TRAPPC10: variants seen among roughly 807,000 people sequenced by gnomAD.
TRAPPC10 encodes the protein TRAPP 130 kDa subunit.
A neutral mutation model predicts 125.5 loss-of-function variants in TRAPPC10; 23 were observed. The observed-to-expected ratio is 0.18, with a 90% confidence interval of 0.13 to 0.26. The LOEUF (loss-of-function observed/expected upper bound fraction) is 0.26, where lower values mean the gene tolerates loss of function less well. Among genes scored for constraint, TRAPPC10 ranks in the 10% least tolerant of loss-of-function variants. The probability of loss-of-function intolerance (pLI) is 1.00; values close to 1 mark genes in which losing one functional copy is unlikely to be tolerated. For synonymous variants in TRAPPC10, 509 were observed against 518.0 expected, an observed-to-expected ratio of 0.98 and a Z score of 0.24; for missense variants, 1,123 against 1,308.4, an observed-to-expected ratio of 0.86 and a Z score of 2.19.
intron 1 of TRAPPC10, among the ~76,000 whole-genome samples, chr21:44,016,350 A>G: frequency 6.6e-6 from 1 of 152,312 alleles, no homozygotes; most frequent in East Asian, 1.9e-4. Flanking sequence ...TTAGTGACAA[A>G]GTTAATGTAA....
intron 18 of TRAPPC10, among the ~76,000 whole-genome samples, chr21:44,090,545 C>T (rs1296231384): frequency 1.3e-5 from 2 of 152,154 alleles, no homozygotes; most frequent in Non-Finnish European, 2.9e-5. Flanking sequence ...GTGGGGCGGA[C>T]GTGCCCCAGT....
At chr21:44,054,071 G>A (rs2035402096) in intron 4 of TRAPPC10, among the ~76,000 whole-genome samples, 1 of 152,110 alleles carries the variant, frequency 6.6e-6, no homozygotes, top group African/African-American at 2.4e-5. Context: ...AGGAGAATTC[G>A]CGTCTGGTCG....
intron 9 of TRAPPC10, among the ~76,000 whole-genome samples, chr21:44,075,474 A>G (rs1382097427): frequency 6.6e-6 from 1 of 152,042 alleles, no homozygotes; most frequent in Non-Finnish European, 1.5e-5. Context: ...TTTTCTAACA[A>G]TACGACCTGA....
At chr21:44,081,335 A>G (rs537258322) in intron 13 of TRAPPC10, among the ~76,000 whole-genome samples, 1 of 151,816 alleles carries the variant, frequency 6.6e-6, no homozygotes, top group South Asian at 2.1e-4. Context: ...TAATTTTTGT[A>G]TTTTTAGTAG....
rs772211103 is a variant in TRAPPC10 at position 44,063,639 on chromosome 21, A to C, written c.892A>C (p.Arg298=). 1.2e-6 allele frequency: 2 copies of C among 1,614,224 alleles called. No individual in the cohort carries two copies. ...IDMEKRESIQ[R]REATLLDLRS... ...TATGGAGAAGCGGGAATCGATCCAGAGGCGAGAAGCCACCCTGTTAGATCT... is the reference window on the plus strand; with the variant it reads ...TATGGAGAAGCGGGAATCGATCCAGCGGCGAGAAGCCACCCTGTTAGATCT... Residue 298 remains arginine (R), a synonymous_variant, in exon 7 of 23, where the codon AGG becomes CGG. Coordinates refer to ENST00000291574, the MANE Select transcript of TRAPPC10 (RefSeq NM_003274.5). This position sits in a 1 kb window ranked among gnomAD's most constrained non-coding sequence, Gnocchi z 4.4.
At chr21:44,032,247 T>C in intron 2 of TRAPPC10, 75 bp downstream of exon 2, 3 of 1,238,412 alleles carry the variant, frequency 2.4e-6, no homozygotes, top group East Asian at 4.7e-5. Flanking sequence ...TAAATAAGTA[T>C]ATGTTGTTTA....
rs7275604 is a variant in TRAPPC10 at position 44,079,346 on chromosome 21, C to T, written c.1470-218C>T. The stretch of plus-strand genomic sequence containing the variant: ...GATGTGTTGTGCTCTTATCACCACA[C>T]GCTCATTTCTCAGATCTTTGCCTGG... On this transcript the variant is annotated intron_variant, in intron 11 of 22. Transcript: ENST00000291574. 3,504 of 509,716 alleles carry T rather than the reference C, an allele frequency of 6.9e-3. 94 individuals carry two copies. The highest frequency in any genetic ancestry group is 0.058 in the African/African-American group (2,909 of 50,196). The allele number at this position is 509,716 out of a possible 1,614,324, so 31.6% of individuals were successfully genotyped here.
At chr21:44,079,888 A>G in intron 12 of TRAPPC10, 127 bp from the exon 13 acceptor site, 2 of 1,062,526 alleles carry the variant, frequency 1.9e-6, no homozygotes, top group South Asian at 3.2e-5. Context: ...TTTGAGCCCT[A>G]GTAACTTAAA....
At chr21:44,054,976 AG>A (rs2035470044) in intron 4 of TRAPPC10, among the ~76,000 whole-genome samples, 1 of 152,228 alleles carries the variant, frequency 6.6e-6, no homozygotes, top group Non-Finnish European at 1.5e-5. Flanking sequence ...TGGGAAGCAG[AG>A]GAAGTAAAGT....
At chr21:44,034,691 T>TA (rs1172366913) in intron 2 of TRAPPC10, among the ~76,000 whole-genome samples, 1 of 152,126 alleles carries the variant, frequency 6.6e-6, no homozygotes, top group African/African-American at 2.4e-5. Context: ...TCTTCGCAGA[T>TA]ATGGTTAAGA....
chr21:44,045,747 G>A (rs1170137720), intron 3 of TRAPPC10, among the ~76,000 whole-genome samples: 3 of 151,806 alleles, frequency 2.0e-5, no homozygotes, highest in Non-Finnish European at 2.9e-5. Context: ...TAGTAGAGAC[G>A]GGGTTTAACC....
chr21:44,023,914 T>C (rs2147191112), intron 1 of TRAPPC10, among the ~76,000 whole-genome samples: 1 of 152,252 alleles, frequency 6.6e-6, no homozygotes, highest in East Asian at 1.9e-4. Context: ...GAGTAGTGAG[T>C]AGCTGGGATT....
intron 3 of TRAPPC10, 70 bp downstream of exon 3, chr21:44,037,997 G>A (rs1003117061): frequency 3.3e-5 from 51 of 1,566,678 alleles, no homozygotes; most frequent in African/African-American, 5.5e-5. Flanking sequence ...TGCTGTGTGA[G>A]TACCAGTGGG....
intron 3 of TRAPPC10, among the ~76,000 whole-genome samples, chr21:44,048,885 A>G (rs1569166443): frequency 6.8e-6 from 1 of 146,872 alleles, no homozygotes; most frequent in African/African-American, 2.5e-5. Flanking sequence ...CAGTTCACTC[A>G]TTGATTTCTA....
chr21:44,077,739 T>C lies in TRAPPC10; in HGVS notation c.1424T>C (p.Ile475Thr). ...TIEMYTSIGRIRSAKFVGKDL... is the reference protein window; with the variant it reads ...TIEMYTSIGRTRSAKFVGKDL... The stretch of plus-strand genomic sequence containing the variant: ...GAAATGTATACAAGCATTGGGAGGA[T>C]TCGATCTGCTAAGTTTGTTGGAAAA... The change falls in exon 11 of 23, where the codon ATT becomes ACT. Residue 475 changes from isoleucine (I) to threonine (T), a missense_variant. Ile to Thr is a moderately conservative substitution (Grantham distance 89, BLOSUM62 -1). This residue lies in a region of TRAPPC10 where 840 missense variants were observed against 902.0 expected (regional missense o/e 0.93). Transcript: ENST00000291574. The C allele has an allele frequency of 6.2e-7, 1 of 1,611,264 alleles. No homozygotes were observed. The highest frequency in any genetic ancestry group is 8.5e-7 in the Non-Finnish European group (1 of 1,178,244).
intron 3 of TRAPPC10, among the ~76,000 whole-genome samples, chr21:44,041,110 T>G (rs1414050133): frequency 6.6e-6 from 1 of 152,208 alleles, no homozygotes. Flanking sequence ...GGTATTGATG[T>G]TCTACTTAAT....
At chr21:44,074,218 C>T in intron 7 of TRAPPC10, 106 bp from the exon 8 acceptor site, 1 of 1,414,094 alleles carries the variant, frequency 7.1e-7, no homozygotes, top group Non-Finnish European at 9.8e-7. Flanking sequence ...GAGGTGGCTG[C>T]TTGAAGGATG....
intron 3 of TRAPPC10, among the ~76,000 whole-genome samples, chr21:44,041,901 T>G (rs984256260): frequency 2.6e-5 from 4 of 151,876 alleles, no homozygotes; most frequent in Non-Finnish European, 5.9e-5. Flanking sequence ...AATTTTTGTA[T>G]TTTTAGTAGG....
Position 44,063,196 on chromosome 21 carries a change from G to GTAAT in TRAPPC10, c.791-342_791-341insTAAT. The GTAAT allele has an allele frequency of 7.8e-7, 1 of 1,285,432 alleles. No individual in the cohort carries two copies. 79.6% of individuals were successfully genotyped at this position (1,285,432 alleles called of 1,614,324 possible). A position where few individuals can be genotyped will look rare whatever the true frequency, so the allele number is the denominator to read the frequency against. The stretch of plus-strand genomic sequence containing the variant: ...AAAGATAAGGAAGCCCAGCCCCGCT[G>GTAAT]CAGCCTAAGACTAGAGCCCTCCCTC... On this transcript the variant is annotated intron_variant, in intron 6 of 22. Transcript: ENST00000291574. This position sits in a 1 kb window ranked among gnomAD's most constrained non-coding sequence, Gnocchi z 4.4.
Sources: gnomAD v4.1 joint callset for allele counts (sites outside exome capture counted in the v4.1 genomes callset) on GRCh38, gnomAD v4.1.1 for gene constraint, gnomAD v4.1.1 regional missense constraint, Gnocchi (gnomAD v3.1) non-coding constraint, MANE v1.5 for transcripts, NCBI Gene and HGNC (gene_info 2026-07-23, HGNC 2026-07-21) for gene names.